AFAP1L2: variants seen among roughly 807,000 people sequenced by gnomAD.
The protein encoded by AFAP1L2 is actin filament associated protein 1 like 2.
In AFAP1L2, 46 loss-of-function variants were observed where a neutral mutation model predicts 99.3. That is an observed-to-expected ratio of 0.46 (90% CI 0.37 to 0.59). The LOEUF (loss-of-function observed/expected upper bound fraction) is 0.59. AFAP1L2 is among the 20% of genes least tolerant of loss of function. AFAP1L2 has a pLI of 0.00. For missense variants in AFAP1L2, 959 were observed against 1,034.9 expected (o/e 0.93, Z 1.01); for synonymous variants, 397 against 419.1 (o/e 0.95, Z 0.64).
At chr10:114,304,377 C>T (rs916044753) in intron 11 of AFAP1L2, among the ~76,000 whole-genome samples, 2 of 152,174 alleles carry the variant, frequency 1.3e-5, no homozygotes, top group African/African-American at 2.4e-5. Context: ...GTGGTTTTTA[C>T]GTACTGGGCC....
intron 1 of AFAP1L2, among the ~76,000 whole-genome samples, chr10:114,373,159 C>T (rs1462791536): frequency 6.6e-6 from 1 of 152,226 alleles, no homozygotes; most frequent in East Asian, 1.9e-4. Context: ...GGGAAGATCG[C>T]TTGAGCCCAG....
chr10:114,293,916 G>A (rs2039832465), downstream of AFAP1L2, among the ~76,000 whole-genome samples: 1 of 152,072 alleles, frequency 6.6e-6, no homozygotes, highest in African/African-American at 2.4e-5. Context: ...TCTGGTTCTT[G>A]ACTTTTTCAT....
rs2040128979 is a variant in AFAP1L2, at chr10:114,295,861, T to A, written c.*181A>T. ...AAGAAGCCTCCTTTTTGTTGTATTA[T>A]TTCCTTTGGCTCTGAAAAGGGACAG... On this transcript the variant is annotated 3_prime_UTR_variant, in exon 19 of 19. Transcript: ENST00000304129. 2 of 1,447,836 alleles carry A rather than the reference T, an allele frequency of 1.4e-6. No homozygotes were observed. Among genetic ancestry groups the A allele is most frequent in the Non-Finnish European group, 9.1e-7 (1 of 1,102,266 alleles). 89.7% of individuals were successfully genotyped at this position (1,447,836 alleles called of 1,614,324 possible). A position where few individuals can be genotyped will look rare whatever the true frequency, so the allele number is the denominator to read the frequency against.
At position 114,404,444 on chromosome 10, in the gene AFAP1L2, G is replaced by A. The variant is rs999411275; in HGVS notation, c.12C>T (p.Tyr4=). The A allele has an allele frequency of 6.5e-7, 1 of 1,542,448 alleles. No homozygotes were observed. Among genetic ancestry groups the A allele is most frequent in the Non-Finnish European group, 8.7e-7 (1 of 1,146,002 alleles). Residue 4 remains tyrosine, a synonymous_variant, in exon 1 of 19, where the codon TAC becomes TAT. Transcript: ENST00000304129. The part of the protein sequence containing the change: MER[Y]KALEQLLTEL... ...GCGAGGAACCCGCGCCCTCACCTTT[G>A]TACCGCTCCATCGGGGCCACGGAGT...
chr10:114,374,253 T>C (rs1221906177), intron 1 of AFAP1L2, among the ~76,000 whole-genome samples: 2 of 152,184 alleles, frequency 1.3e-5, no homozygotes, highest in African/African-American at 4.8e-5. Flanking sequence ...TTGAAACGCC[T>C]GCACATTATC....
At chr10:114,353,166 A>G (rs1806186955) in intron 1 of AFAP1L2, among the ~76,000 whole-genome samples, 1 of 152,206 alleles carries the variant, frequency 6.6e-6, no homozygotes. Flanking sequence ...TCCTGGAACT[A>G]CTAGGAAGTG....
intron 1 of AFAP1L2, among the ~76,000 whole-genome samples, chr10:114,354,461 G>A (rs1476856831): frequency 2.6e-5 from 4 of 152,128 alleles, no homozygotes; most frequent in Non-Finnish European, 4.4e-5. Context: ...TAATCATTTG[G>A]TCTATTTTTC....
In AFAP1L2 at chr10:114,300,434, G is replaced by GT; in HGVS notation, c.1788+10_1788+11insA. On this transcript the variant is annotated intron_variant, in intron 14 of 18. Coordinates refer to ENST00000304129, the MANE Select transcript of AFAP1L2 (RefSeq NM_001001936.3). ...AAGGTGGTCTTGCTGTCCTGCAGGG[G>GT]AGGCCTGTACCTGTTCTCCCAGGTT... 1 of 1,474,792 alleles carries GT rather than the reference G, an allele frequency of 6.8e-7. No homozygotes were observed. The highest frequency in any genetic ancestry group is 1.2e-5 in the South Asian group (1 of 86,656). 91.4% of individuals were successfully genotyped at this position (1,474,792 alleles called of 1,614,324 possible).
At chr10:114,357,171 G>C (rs572640744) in intron 1 of AFAP1L2, among the ~76,000 whole-genome samples, 2 of 152,306 alleles carry the variant, frequency 1.3e-5, no homozygotes, top group Non-Finnish European at 2.9e-5. Flanking sequence ...TTGGGGAATA[G>C]TTTGCATTTG....
intron 13 of AFAP1L2, among the ~76,000 whole-genome samples, chr10:114,301,037 C>A (rs975991835): frequency 1.3e-5 from 2 of 152,172 alleles, no homozygotes; most frequent in Non-Finnish European, 2.9e-5. Flanking sequence ...GTGTGATCAT[C>A]CCACTCAACA....
At chr10:114,399,911 T>C (rs951453742) in intron 1 of AFAP1L2, among the ~76,000 whole-genome samples, 2 of 152,114 alleles carry the variant, frequency 1.3e-5, no homozygotes, top group African/African-American at 2.4e-5. Context: ...CGAAGAACCA[T>C]TGGAAAGTCA....
rs1245520895 is a variant in AFAP1L2, at chr10:114,302,360, C to G, written c.1409G>C (p.Ser470Thr). ...VDADRVSCIVSAAKNSLLLMQ... is the reference protein window; with the variant it reads ...VDADRVSCIVTAAKNSLLLMQ... ...TCACAAGAGAGAGTTTTTGGCCGCA[C>G]TCACAATACAGGAGACCCTATCGGC... Residue 470 changes from serine to threonine, a missense_variant, in exon 12 of 19, where the codon AGT becomes ACT. Ser to Thr is a moderately conservative substitution (Grantham distance 58). Transcript: ENST00000304129. The G allele has an allele frequency of 6.2e-7, 1 of 1,614,134 alleles. No homozygotes were observed. Among genetic ancestry groups the G allele is most frequent in the East Asian group, 2.2e-5 (1 of 44,882 alleles).
At chr10:114,398,798 G>A in intron 1 of AFAP1L2, 1 of 1,299,222 alleles carries the variant, frequency 7.7e-7, no homozygotes, top group Non-Finnish European at 1.0e-6. Context: ...ACCCTCGGGA[G>A]CCCTGGAGGC....
chr10:114,344,606 G>GT (rs1001892199), intron 1 of AFAP1L2, among the ~76,000 whole-genome samples: 1 of 152,198 alleles, frequency 6.6e-6, no homozygotes, highest in Non-Finnish European at 1.5e-5. Flanking sequence ...GGAAACAAAG[G>GT]TGACCCCAAG....
At chr10:114,388,267 G>T (rs1218297119) in intron 1 of AFAP1L2, among the ~76,000 whole-genome samples, 1 of 151,628 alleles carries the variant, frequency 6.6e-6, no homozygotes, top group Non-Finnish European at 1.5e-5. Flanking sequence ...TCAATGACAA[G>T]CTCCTCTCAG....
intron 1 of AFAP1L2, among the ~76,000 whole-genome samples, chr10:114,379,021 G>A (rs921815359): frequency 2.6e-5 from 4 of 151,770 alleles, no homozygotes; most frequent in Admixed American, 6.6e-5. Flanking sequence ...AACCAACTTG[G>A]CCAATATGGT....
chr10:114,315,409 T>A, intron 6 of AFAP1L2, 151 bp downstream of exon 6: 1 of 753,354 alleles, frequency 1.3e-6, no homozygotes, highest in Admixed American at 2.9e-5. Flanking sequence ...AAATCCTGTA[T>A]ACAATTTCAG....
intron 10 of AFAP1L2, among the ~76,000 whole-genome samples, chr10:114,305,643 AGATGCAGATGCAGGAGGG>A (rs2042149033): frequency 3.0e-5 from 1 of 33,752 alleles, no homozygotes; most frequent in Non-Finnish European, 6.1e-5. Context: ...ATGCAGGAGG[AGATGCAGATGCAGGAGGG>A]GATGCAGGTG....
At chr10:114,286,191 G>A in the AFAP1L2 span, 61 of 1,614,040 alleles carry the variant, frequency 3.8e-5, no homozygotes, top group Non-Finnish European at 5.2e-5. Flanking sequence ...CCCTTCCGTG[G>A]TGGCCCCACC....
Sources: gnomAD v4.1 joint callset for allele counts (sites outside exome capture counted in the v4.1 genomes callset) on GRCh38, gnomAD v4.1.1 for gene constraint, MANE v1.5 for transcripts, NCBI Gene and HGNC (gene_info 2026-07-23, HGNC 2026-07-21) for gene names.